SPECC1L: variants seen among roughly 807,000 people sequenced by gnomAD.
SPECC1L encodes sperm antigen with calponin homology and coiled-coil domains 1 like.
A neutral mutation model predicts 116.8 loss-of-function variants in SPECC1L; 40 were observed. The ratio of observed to expected loss-of-function variants is 0.34; its 90% CI spans 0.27 to 0.45. The LOEUF is 0.45. Among genes scored for constraint, SPECC1L ranks in the 20% least tolerant of loss-of-function variants. SPECC1L has a pLI of 1.00. For synonymous variants in SPECC1L, 504 were observed against 500.6 expected (o/e 1.01, Z -0.09); for missense variants, 1,110 against 1,373.6 (o/e 0.81, Z 3.03).
intron 2 of SPECC1L, among the ~76,000 whole-genome samples, chr22:24,280,577 A>T (rs867157705): frequency 0.038 from 4,913 of 128,876 alleles, 142 homozygotes; most frequent in African/African-American, 0.094. Context: ...TTTCAATAAC[A>T]TTTTTTTTTT....
At chr22:24,403,988 T>C (rs549759975) in intron 14 of SPECC1L, among the ~76,000 whole-genome samples, 32 of 152,354 alleles carry the variant, frequency 2.1e-4, no homozygotes, top group Admixed American at 1.9e-3. Context: ...GTGGTTGCTC[T>C]TCCCTTTATT....
At chr22:24,331,917 T>C (rs1484267298) in intron 8 of SPECC1L, among the ~76,000 whole-genome samples, 1 of 152,222 alleles carries the variant, frequency 6.6e-6, no homozygotes, top group Non-Finnish European at 1.5e-5. Flanking sequence ...TTGAGTACAC[T>C]CTTTAGCATT....
Position 24,383,705 on chromosome 22 carries a change from C to T in SPECC1L, c.3087+14385C>T, listed in dbSNP as rs543629565. Among the ~76,000 whole-genome samples the T allele has an allele frequency of 1.7e-4, 26 of 150,054 alleles. No homozygotes were observed. In the East Asian group the frequency reaches 3.7e-3, roughly 21 times the overall value. On this transcript the variant is annotated intron_variant, in intron 14 of 16. Transcript: ENST00000314328. ...TTGCCTGAGTACAATGGTGCGATCTCGGCTTACTGCAACCTCTGCCTCCCA... is the reference window on the plus strand; with the variant it reads ...TTGCCTGAGTACAATGGTGCGATCTTGGCTTACTGCAACCTCTGCCTCCCA...
At position 24,297,557 on chromosome 22, in the gene SPECC1L, C is replaced by T. The variant is rs372557333; in HGVS notation, c.-37-4638C>T. 3.6e-3 allele frequency among the ~76,000 whole-genome samples: 551 copies of T among 152,154 alleles called. 16 individuals are homozygous for T. In the South Asian group the frequency reaches 0.089, roughly 25 times the overall value. ...AACCAATATATATGATTGTGTCATG[C>T]GCATCCTATTGGTTCTGTTTCTCTG... is the stretch of plus-strand genomic sequence containing the variant. On this transcript the variant is annotated intron_variant, in intron 2 of 16. Transcript: ENST00000314328.
intron 2 of SPECC1L, among the ~76,000 whole-genome samples, chr22:24,279,978 TTCC>T (rs1382631287): frequency 6.6e-6 from 1 of 152,242 alleles, no homozygotes; most frequent in African/African-American, 2.4e-5. Flanking sequence ...CACCTTTTTC[TTCC>T]TCATTTCTTT....
chr22:24,379,242 G>A (rs1167235855), intron 14 of SPECC1L, among the ~76,000 whole-genome samples: 2 of 151,774 alleles, frequency 1.3e-5, no homozygotes, highest in African/African-American at 4.8e-5. Context: ...GCCAGGCATG[G>A]TAGCAATCCT....
At position 24,313,397 on chromosome 22, in the gene SPECC1L, C is replaced by T. The variant is rs776767103; in HGVS notation, c.238C>T (p.Pro80Ser). 1 of 1,614,120 alleles carries T rather than the reference C, an allele frequency of 6.2e-7. No homozygotes were observed. Among genetic ancestry groups the T allele is most frequent in the South Asian group, 1.1e-5 (1 of 91,072 alleles). ...NGVKGKKSTC[P>S]SAAPSASAPA... ...TGTTAAAGGAAAGAAAAGCACCTGC[C>T]CATCTGCAGCACCTTCAGCATCTGC... The change falls in exon 4 of 17, where the codon CCA becomes TCA. Residue 80 changes from proline to serine, a missense_variant. Physicochemically the swap from Pro to Ser is moderately conservative, Grantham distance 74. Coordinates refer to ENST00000314328, the MANE Select transcript of SPECC1L (RefSeq NM_015330.6).
At chr22:24,398,896 A>C (rs907828406) in intron 14 of SPECC1L, among the ~76,000 whole-genome samples, 3 of 152,208 alleles carry the variant, frequency 2.0e-5, no homozygotes, top group African/African-American at 7.2e-5. Flanking sequence ...ACCAGGGCAG[A>C]TCTTGCTTGA....
intron 14 of SPECC1L, among the ~76,000 whole-genome samples, chr22:24,395,615 C>A (rs547791087): frequency 6.6e-6 from 1 of 152,160 alleles, no homozygotes; most frequent in Non-Finnish European, 1.5e-5. Flanking sequence ...CACTTTTTAT[C>A]TCAATACTCT....
chr22:24,384,608 A>G (rs1253329286), intron 14 of SPECC1L, among the ~76,000 whole-genome samples: 1 of 152,208 alleles, frequency 6.6e-6, no homozygotes, highest in Admixed American at 6.5e-5. Context: ...TTAATTTGTC[A>G]TAGACTCTGA....
intron 14 of SPECC1L, among the ~76,000 whole-genome samples, chr22:24,374,389 T>C (rs551181096): frequency 6.6e-6 from 1 of 152,044 alleles, no homozygotes; most frequent in African/African-American, 2.4e-5. Context: ...CCAAGAATGA[T>C]AGACTGGATT....
intron 11 of SPECC1L, among the ~76,000 whole-genome samples, chr22:24,351,617 A>G (rs1050195155): frequency 1.3e-5 from 2 of 152,182 alleles, no homozygotes; most frequent in Non-Finnish European, 2.9e-5. Context: ...AGATGAATCT[A>G]TATCACAGTA....
At chr22:24,281,325 C>T (rs2048938872) in intron 2 of SPECC1L, among the ~76,000 whole-genome samples, 1 of 152,182 alleles carries the variant, frequency 6.6e-6, no homozygotes, top group South Asian at 2.1e-4. Flanking sequence ...TTAGAATCAA[C>T]TTGTCACATT....
At chr22:24,391,143 G>A (rs1452649753) in intron 14 of SPECC1L, among the ~76,000 whole-genome samples, 2 of 151,852 alleles carry the variant, frequency 1.3e-5, no homozygotes, top group African/African-American at 2.4e-5. Flanking sequence ...CCAAAGTGCT[G>A]GGATTACGGG....
chr22:24,337,653 A>G (rs1443658980), intron 9 of SPECC1L, among the ~76,000 whole-genome samples: 2 of 152,180 alleles, frequency 1.3e-5, no homozygotes, highest in African/African-American at 4.8e-5. Context: ...ATTCGTGTTT[A>G]TATTGGCTGC....
At chr22:24,318,653 T>C (rs2040654428) in intron 4 of SPECC1L, among the ~76,000 whole-genome samples, 1 of 152,002 alleles carries the variant, frequency 6.6e-6, no homozygotes, top group Non-Finnish European at 1.5e-5. Flanking sequence ...GGTGCGATGG[T>C]GCACGCCTGT....
intron 2 of SPECC1L, among the ~76,000 whole-genome samples, chr22:24,286,733 A>G (rs1374309202): frequency 6.6e-6 from 1 of 152,146 alleles, no homozygotes; most frequent in East Asian, 1.9e-4. Context: ...TACTTCTGAC[A>G]TTCATGTACT....
chr22:24,343,358 A>G, intron 10 of SPECC1L: 2 of 365,908 alleles, frequency 5.5e-6, no homozygotes, highest in South Asian at 2.0e-5. Context: ...GCTGAAAAAC[A>G]GTGATAAGAA....
intron 2 of SPECC1L, among the ~76,000 whole-genome samples, chr22:24,293,439 G>A (rs1008347269): frequency 2.0e-5 from 3 of 152,012 alleles, no homozygotes; most frequent in Non-Finnish European, 4.4e-5. Flanking sequence ...GCGACAGAGC[G>A]AGACTCCATC....
Sources: allele counts gnomAD v4.1 joint callset (sites outside exome capture counted in the v4.1 genomes callset), GRCh38; gene constraint gnomAD v4.1.1; transcripts MANE v1.5; gene names NCBI Gene and HGNC (gene_info 2026-07-23, HGNC 2026-07-21).